The following TRIO variants were observed in gnomAD, a reference collection of about 807,000 sequenced individuals.
TRIO encodes the protein triple functional domain protein.
Under a neutral mutation model 351.9 loss-of-function variants are expected in TRIO, and 58 were observed. The observed-to-expected ratio is 0.16, with a 90% CI of 0.13 to 0.21. The LOEUF is 0.21. Ranked by LOEUF, TRIO falls within the 10% of genes least tolerant of loss-of-function variation. The probability of loss-of-function intolerance (pLI) is 1.00; values close to 1 mark genes in which losing one functional copy is unlikely to be tolerated. For missense variants in TRIO, 3,201 were observed against 4,027.8 expected (o/e 0.79, Z 5.56); for synonymous variants, 1,758 against 1,595.7 (o/e 1.10, Z -2.42).
At chr5:14,272,181 A>G (rs1389624080) in intron 2 of TRIO, among the ~76,000 whole-genome samples, 1 of 152,264 alleles carries the variant, frequency 6.6e-6, no homozygotes, top group South Asian at 2.1e-4. Flanking sequence ...TTTGTAGTTT[A>G]CAAACAGAGT....
Position 14,290,910 on chromosome 5 carries a change from G to C in TRIO, c.735G>C (p.Glu245Asp). ...EELQDILAKK[E>D]LPQDLEGARN... ...TTCAGGACATCCTAGCTAAGAAGGA[G>C]CTGCCTCAGGATTTAGAGGGGGCTC... is the stretch of plus-strand genomic sequence containing the variant. The change falls in exon 5 of 57, where the codon GAG becomes GAC. Residue 245 changes from glutamate to aspartate, a missense_variant. Physicochemically the swap from Glu to Asp is conservative, Grantham distance 45 (BLOSUM62 2). Coordinates refer to ENST00000344204, the MANE Select transcript of TRIO (RefSeq NM_007118.4). 1 of 1,614,194 alleles carries C rather than the reference G, an allele frequency of 6.2e-7. No homozygotes were observed. The highest frequency in any genetic ancestry group is 8.5e-7 in the Non-Finnish European group (1 of 1,180,030).
At chr5:14,322,959 T>G (rs1398901099) in intron 9 of TRIO, among the ~76,000 whole-genome samples, 2 of 152,098 alleles carry the variant, frequency 1.3e-5, no homozygotes, top group Non-Finnish European at 2.9e-5. Flanking sequence ...CAGCTCCTAA[T>G]TAACCTTCTG....
chr5:14,238,539 A>G (rs976362788), intron 1 of TRIO, among the ~76,000 whole-genome samples: 1 of 152,226 alleles, frequency 6.6e-6, no homozygotes, highest in Non-Finnish European at 1.5e-5. Flanking sequence ...CCGCTGGTGC[A>G]TGGGACACCC....
chr5:14,507,018 A>T, intron 55 of TRIO, 104 bp from the exon 56 acceptor site: 1 of 1,413,838 alleles, frequency 7.1e-7, no homozygotes, highest in East Asian at 2.6e-5. Context: ...TCCCGATGAC[A>T]CATTCATAAC....
At chr5:14,366,548 G>A (rs985262102) in intron 15 of TRIO, among the ~76,000 whole-genome samples, 2 of 152,154 alleles carry the variant, frequency 1.3e-5, no homozygotes, top group African/African-American at 2.4e-5. Context: ...GTGTCAGTAG[G>A]TTTTCTAAAA....
intron 9 of TRIO, among the ~76,000 whole-genome samples, chr5:14,324,357 G>C (rs1740179031): frequency 6.6e-6 from 1 of 152,160 alleles, no homozygotes; most frequent in African/African-American, 2.4e-5. Flanking sequence ...CTTAGAAGGG[G>C]TTCTCATTGT....
chr5:14,433,335 C>A (rs1279358765), intron 34 of TRIO, among the ~76,000 whole-genome samples: 1 of 152,152 alleles, frequency 6.6e-6, no homozygotes, highest in African/African-American at 2.4e-5. Context: ...CTGAATGGAG[C>A]CCTAAGAAGC....
At chr5:14,371,423 T>G (rs752553716) in intron 18 of TRIO, among the ~76,000 whole-genome samples, 1 of 152,188 alleles carries the variant, frequency 6.6e-6, no homozygotes, top group African/African-American at 2.4e-5. Context: ...ATTTTACTCC[T>G]TACCCAACTT....
At chr5:14,475,830 G>A (rs552729403) in intron 40 of TRIO, among the ~76,000 whole-genome samples, 32 of 96,728 alleles carry the variant, frequency 3.3e-4, no homozygotes, top group Admixed American at 2.1e-3. Context: ...TGCTGTCTGC[G>A]CAGCGGGGAT....
At chr5:14,506,071 G>A (rs1757657582) in intron 55 of TRIO, among the ~76,000 whole-genome samples, 1 of 152,208 alleles carries the variant, frequency 6.6e-6, no homozygotes, top group Non-Finnish European at 1.5e-5. Context: ...CCGAGGCCTG[G>A]CCTGGGAGCC....
In TRIO at chr5:14,432,403, G is replaced by T. The variant is rs538087147; in HGVS notation, c.5203+12382G>T. 5.0e-3 allele frequency among the ~76,000 whole-genome samples: 764 copies of T among 152,322 alleles called. 6 individuals carry two copies. The highest frequency in any genetic ancestry group is 8.1e-3 in the Non-Finnish European group (553 of 68,036). ...GTAGAGACAAACTCAGTTGCCCAAGGCCAGACATCGTTTATGGAAGAGCTA... is the reference window on the plus strand; with the variant it reads ...GTAGAGACAAACTCAGTTGCCCAAGTCCAGACATCGTTTATGGAAGAGCTA... On this transcript the variant is annotated intron_variant, in intron 34 of 56. Coordinates refer to ENST00000344204, the MANE Select transcript of TRIO (RefSeq NM_007118.4).
chr5:14,146,289 A>C (rs1222241314), intron 1 of TRIO, among the ~76,000 whole-genome samples: 5 of 152,186 alleles, frequency 3.3e-5, no homozygotes, highest in African/African-American at 1.2e-4. Flanking sequence ...TAAGACTCAG[A>C]AACATGGGAA....
intron 3 of TRIO, 46 bp downstream of exon 3, chr5:14,280,482 A>G (rs1418067772): frequency 1.3e-6 from 2 of 1,505,562 alleles, no homozygotes; most frequent in Non-Finnish European, 1.9e-6. Context: ...CACATTTACA[A>G]GAGATGTGGC....
intron 11 of TRIO, among the ~76,000 whole-genome samples, chr5:14,355,559 A>G (rs539329029): frequency 3.5e-4 from 54 of 152,320 alleles, no homozygotes; most frequent in Admixed American, 2.1e-3. Flanking sequence ...CTAAATCCAG[A>G]TCGCCTTACT....
intron 1 of TRIO, among the ~76,000 whole-genome samples, chr5:14,146,467 GT>G (rs1787530502): frequency 6.6e-6 from 1 of 151,852 alleles, no homozygotes; most frequent in African/African-American, 2.4e-5. Context: ...TTTTAAATTC[GT>G]TCTTGTTGCC....
chr5:14,439,012 G>GTT (rs559207280), intron 34 of TRIO, among the ~76,000 whole-genome samples: 6 of 151,374 alleles, frequency 4.0e-5, no homozygotes, highest in African/African-American at 1.5e-4. Context: ...GAACTTGAGG[G>GTT]TTTTTTTTTG....
chr5:14,194,884 CGTTT>C (rs1231538696), intron 1 of TRIO, among the ~76,000 whole-genome samples: 1 of 152,078 alleles, frequency 6.6e-6, no homozygotes, highest in Non-Finnish European at 1.5e-5. Flanking sequence ...AATATTTTGC[CGTTT>C]GTTATACCAC....
intron 11 of TRIO, among the ~76,000 whole-genome samples, chr5:14,341,031 GTT>G (rs1455012230): frequency 6.6e-6 from 1 of 152,094 alleles, no homozygotes; most frequent in Admixed American, 6.6e-5. Flanking sequence ...TTCTGTTTTT[GTT>G]TTGTTTTTTA....
intron 36 of TRIO, among the ~76,000 whole-genome samples, chr5:14,464,442 G>GTA (rs1161151372): frequency 6.6e-6 from 1 of 152,160 alleles, no homozygotes; most frequent in Non-Finnish European, 1.5e-5. Flanking sequence ...TTCCCACACA[G>GTA]TATATAATCT....
Sources: allele counts gnomAD v4.1 joint callset (sites outside exome capture counted in the v4.1 genomes callset), GRCh38; gene constraint gnomAD v4.1.1; transcripts MANE v1.5; gene names NCBI Gene and HGNC (gene_info 2026-07-23, HGNC 2026-07-21).